ESF1: variants seen among roughly 807,000 people sequenced by gnomAD.
The protein encoded by ESF1 is ESF1 nucleolar pre-rRNA processing protein.
In ESF1, 58 loss-of-function variants were observed where a neutral mutation model predicts 92.0. The observed-to-expected ratio is 0.63, with a 90% CI of 0.51 to 0.78. The LOEUF is 0.78. Among genes scored for constraint, ESF1 ranks in the 30% least tolerant of loss-of-function variants. The pLI is 0.00. For synonymous variants in ESF1, 321 were observed against 313.7 expected (o/e 1.02, Z -0.24); for missense variants, 922 against 989.1 (o/e 0.93, Z 0.91).
At chr20:13,731,539 A>G (rs916925947) in intron 10 of ESF1, among the ~76,000 whole-genome samples, 1 of 151,710 alleles carries the variant, frequency 6.6e-6, no homozygotes, top group African/African-American at 2.4e-5. Flanking sequence ...CTCAAAAAAA[A>G]AAAAAAAAAA....
At chr20:13,757,543 C>T (rs1247500045) in intron 9 of ESF1, among the ~76,000 whole-genome samples, 1 of 152,096 alleles carries the variant, frequency 6.6e-6, no homozygotes, top group African/African-American at 2.4e-5. Flanking sequence ...GGACTACAGG[C>T]GTGTGCCACC....
intron 9 of ESF1, among the ~76,000 whole-genome samples, chr20:13,758,903 T>C (rs1249133744): frequency 3.3e-5 from 5 of 152,204 alleles, no homozygotes; most frequent in Admixed American, 3.3e-4. Context: ...TCTGAAATCA[T>C]GGATAGTACT....
rs189963833 is a variant in ESF1 at position 13,727,610 on chromosome 20, G to A, written c.2038+768C>T. On this transcript the variant is annotated intron_variant, in intron 11 of 13. Transcript: ENST00000617257. ...TGAGAACAAATGGTAAATCCTTACA[G>A]TGATTTCTGTACTGACTTACCAAGT... 4.6e-5 allele frequency among the ~76,000 whole-genome samples: 7 copies of A among 152,318 alleles called. No homozygotes were observed. In the East Asian group the frequency reaches 1.4e-3, roughly 29 times the overall value.
At chr20:13,736,554 T>C (rs923730182) in intron 9 of ESF1, among the ~76,000 whole-genome samples, 3 of 152,186 alleles carry the variant, frequency 2.0e-5, no homozygotes, top group African/African-American at 4.8e-5. Context: ...GCCAGACACA[T>C]AGTAAATACT....
Position 13,759,795 on chromosome 20 carries a change from A to G in ESF1, c.1725T>C (p.Asp575=), listed in dbSNP as rs1192609075. The G allele has an allele frequency of 6.3e-7, 1 of 1,594,828 alleles. No individual in the cohort carries two copies. Among genetic ancestry groups the G allele is most frequent in the African/African-American group, 1.4e-5 (1 of 73,440 alleles). ...GCCTGTATTTAGCAATTTGTTCTTC[A>G]TCATCCTTCTGACTTTTCTTTGTTT... is the stretch of plus-strand genomic sequence containing the variant. The part of the protein sequence containing the change: ...DGKTKKSQKD[D]EEQIAKYRQL... Residue 575 remains aspartate, a synonymous_variant, in exon 9 of 14, where the codon GAT becomes GAC. Coordinates refer to ENST00000617257, the MANE Select transcript of ESF1 (RefSeq NM_001276380.2).
chr20:13,775,992 T>C lies in ESF1; in HGVS notation c.916A>G (p.Lys306Glu). ...TCAGAACTAGTTTCTATATTTCCTT[T>C]ACCCCTTGCAAGATCAGGGCCACTG... Reference protein sequence around the residue: ...SDSGPDLARGKGNIETSSEDE... With the variant: ...SDSGPDLARGEGNIETSSEDE... The change falls in exon 3 of 14, where the codon AAA becomes GAA. Residue 306 changes from lysine (K) to glutamate (E), a missense_variant. Transcript: ENST00000617257. 4 of 1,613,962 alleles carry C rather than the reference T, an allele frequency of 2.5e-6. No individual in the cohort carries two copies. The highest frequency in any genetic ancestry group is 2.5e-6 in the Non-Finnish European group (3 of 1,179,922).
chr20:13,750,270 C>T (rs760869560), intron 9 of ESF1, among the ~76,000 whole-genome samples: 2 of 152,250 alleles, frequency 1.3e-5, no homozygotes, highest in East Asian at 1.9e-4. Flanking sequence ...TCTGGAAGGC[C>T]GAGGTGGGTG....
intron 2 of ESF1, among the ~76,000 whole-genome samples, chr20:13,780,486 G>GAA (rs1980131234): frequency 6.6e-6 from 1 of 152,144 alleles, no homozygotes; most frequent in African/African-American, 2.4e-5. Flanking sequence ...TCTGCTGCCT[G>GAA]GTTCCACTAC....
At chr20:13,740,043 A>G (rs2050001195) in intron 9 of ESF1, among the ~76,000 whole-genome samples, 1 of 152,170 alleles carries the variant, frequency 6.6e-6, no homozygotes, top group African/African-American at 2.4e-5. Flanking sequence ...TTTTTCCCCC[A>G]TAGATTTATA....
chr20:13,746,955 T>C (rs1411078142), intron 9 of ESF1, among the ~76,000 whole-genome samples: 1 of 152,160 alleles, frequency 6.6e-6, no homozygotes, highest in Non-Finnish European at 1.5e-5. Context: ...AAGCAGTACC[T>C]TCCCAACCAT....
intron 9 of ESF1, among the ~76,000 whole-genome samples, chr20:13,738,306 T>C (rs2049988911): frequency 7.5e-6 from 1 of 133,302 alleles, no homozygotes; most frequent in Non-Finnish European, 1.6e-5. Context: ...TGTAAATCCC[T>C]CTCTCCTAAA....
intron 6 of ESF1, among the ~76,000 whole-genome samples, chr20:13,770,402 T>A (rs983933049): frequency 2.0e-5 from 3 of 152,240 alleles, no homozygotes; most frequent in African/African-American, 7.2e-5. Context: ...AGGGTCTTGC[T>A]CCATCACCCA....
At chr20:13,738,510 T>G (rs2049990957) in intron 9 of ESF1, among the ~76,000 whole-genome samples, 1 of 152,116 alleles carries the variant, frequency 6.6e-6, no homozygotes. Flanking sequence ...GACGTAAGTC[T>G]CACTATGTTG....
chr20:13,743,367 C>T (rs2050027771), intron 9 of ESF1, among the ~76,000 whole-genome samples: 1 of 152,206 alleles, frequency 6.6e-6, no homozygotes. Flanking sequence ...ATCCAGCAAT[C>T]CCACTTCTGG....
chr20:13,754,133 A>G (rs1277402975), intron 9 of ESF1, among the ~76,000 whole-genome samples: 1 of 152,112 alleles, frequency 6.6e-6, no homozygotes, highest in Non-Finnish European at 1.5e-5. Context: ...TTCTTCCTTC[A>G]AACCATACTA....
chr20:13,772,540 G>T lies in ESF1; in HGVS notation c.1225C>A (p.Pro409Thr), dbSNP rs769766714. The T allele has an allele frequency of 6.2e-7, 1 of 1,612,242 alleles. No homozygotes were observed. The highest frequency in any genetic ancestry group is 8.5e-7 in the Non-Finnish European group (1 of 1,178,940). The change falls in exon 5 of 14, where the codon CCT becomes ACT. Residue 409 changes from proline (P) to threonine (T), a missense_variant. Pro to Thr is a conservative substitution (Grantham distance 38). Coordinates refer to ENST00000617257, the MANE Select transcript of ESF1 (RefSeq NM_001276380.2). ...CAGTCTTTTTCTGGGGCATCTTCAG[G>T]AATACTTAATAGCTCTACTGGTCCT... ...VQGPVELLSI[P>T]EDAPEKDWTS...
intron 8 of ESF1, among the ~76,000 whole-genome samples, chr20:13,764,984 A>G (rs1414223513): frequency 6.6e-6 from 1 of 152,150 alleles, no homozygotes; most frequent in African/African-American, 2.4e-5. Context: ...GCACTCTGGG[A>G]AGCTGAGGCA....
chr20:13,768,387 G>A (rs6033820), intron 7 of ESF1, among the ~76,000 whole-genome samples: 93,127 of 151,854 alleles, frequency 0.61, 28,698 homozygotes, highest in East Asian at 0.71. Flanking sequence ...GTTCGAGATC[G>A]GCCTGACTAA....
At chr20:13,763,635 G>A (rs939996679) in intron 8 of ESF1, among the ~76,000 whole-genome samples, 3 of 152,138 alleles carry the variant, frequency 2.0e-5, no homozygotes, top group Non-Finnish European at 4.4e-5. Context: ...CTCCACATGT[G>A]TGAGGGGAAA....
Sources: allele counts gnomAD v4.1 joint callset (sites outside exome capture counted in the v4.1 genomes callset), GRCh38; gene constraint gnomAD v4.1.1; transcripts MANE v1.5; gene names NCBI Gene and HGNC (gene_info 2026-07-23, HGNC 2026-07-21).